Variants in BABAM2 observed in about 807,000 individuals in gnomAD.
BABAM2 encodes BRISC and BRCA1 A complex member 2, also known as BRISC and BRCA1-A complex member 2.
BABAM2 carries 31 observed loss-of-function variants against 54.7 expected under a neutral mutation model. The ratio of observed to expected loss-of-function variants is 0.57; its 90% confidence interval spans 0.43 to 0.77. The LOEUF is 0.77. Among genes scored for constraint, BABAM2 ranks in the 30% least tolerant of loss-of-function variants. The probability of loss-of-function intolerance (pLI) is 0.00; values close to 1 mark genes in which losing one functional copy is unlikely to be tolerated. For missense variants in BABAM2, 364 were observed against 455.8 expected (o/e 0.80, Z 1.83); for synonymous variants, 167 against 162.9 (o/e 1.03, Z -0.19).
At position 28,304,600 on chromosome 2, in the gene BABAM2, G is replaced by A. The variant is rs56258344; in HGVS notation, c.1088+6109G>A. Among the ~76,000 whole-genome samples the A allele has an allele frequency of 0.052, 7,888 of 150,734 alleles. 270 individuals are homozygous for A. Among genetic ancestry groups the A allele is most frequent in the South Asian group, 0.12 (583 of 4,762 alleles). On this transcript the variant is annotated intron_variant, in intron 11 of 11. Transcript: ENST00000379624. This position sits in a 1 kb window ranked among gnomAD's most constrained non-coding sequence, Gnocchi z 4.0. ...TTTCTTTTTTCTTTTTTTTGGAGAT[G>A]GAGTCTCACTCTGTCACCCAGGCTG... is the stretch of plus-strand genomic sequence containing the variant.
chr2:27,933,559 C>T (rs1668257813), intron 3 of BABAM2, among the ~76,000 whole-genome samples: 1 of 151,732 alleles, frequency 6.6e-6, no homozygotes, highest in Admixed American at 6.6e-5. Context: ...ACCTCCACCT[C>T]CCGGGTTCAA....
At chr2:28,230,483 A>G (rs1036250809) in intron 7 of BABAM2, among the ~76,000 whole-genome samples, 1 of 152,066 alleles carries the variant, frequency 6.6e-6, no homozygotes, top group African/African-American at 2.4e-5. Context: ...TGGGAGGCCA[A>G]GGCAGCAGAT....
chr2:28,192,677 A>G (rs1381056518), intron 7 of BABAM2, among the ~76,000 whole-genome samples: 1 of 151,184 alleles, frequency 6.6e-6, no homozygotes, highest in Non-Finnish European at 1.5e-5. Context: ...ACGTGCCACC[A>G]CGGCCAGATA....
At chr2:28,252,823 G>A (rs981337146) in intron 10 of BABAM2, among the ~76,000 whole-genome samples, 7 of 152,210 alleles carry the variant, frequency 4.6e-5, no homozygotes, top group African/African-American at 1.4e-4. Context: ...AATTGCCAAA[G>A]CAAGTGTTTC....
chr2:27,980,452 C>G lies in BABAM2; in HGVS notation c.206-7541C>G, dbSNP rs772435012. ...CAGGTGTCCAGTATGCACATCTGTG[C>G]GTTGTGGGTTTTTAATAAATGTTCT... On this transcript the variant is annotated intron_variant, in intron 3 of 11. Transcript: ENST00000379624. Among the ~76,000 whole-genome samples the G allele has an allele frequency of 2.0e-5, 3 of 152,240 alleles. No homozygotes were observed. In the South Asian group the frequency reaches 6.2e-4, roughly 32 times the overall value.
chr2:28,214,514 A>T (rs571435881), intron 7 of BABAM2, among the ~76,000 whole-genome samples: 6 of 152,202 alleles, frequency 3.9e-5, no homozygotes, highest in Non-Finnish European at 7.4e-5. Flanking sequence ...TTTTCTTTGT[A>T]GACAATCATG....
chr2:28,317,510 G>T (rs1008344692), intron 11 of BABAM2, among the ~76,000 whole-genome samples: 3 of 152,204 alleles, frequency 2.0e-5, no homozygotes, highest in Non-Finnish European at 4.4e-5. Context: ...AACACTGAAG[G>T]CAAACCTGAC....
In BABAM2 at chr2:27,969,689, G is replaced by C. The variant is rs538102022; in HGVS notation, c.206-18304G>C. On this transcript the variant is annotated intron_variant, in intron 3 of 11. Transcript: ENST00000379624. ...TCAAACTGAGGTTGGGGCTCGGGACGGGGGAGGAGGTTATTTTGCTCTGCA... is the reference window on the plus strand; with the variant it reads ...TCAAACTGAGGTTGGGGCTCGGGACCGGGGAGGAGGTTATTTTGCTCTGCA... Among the ~76,000 whole-genome samples the C allele has an allele frequency of 1.7e-4, 26 of 152,286 alleles. No individual in the cohort carries two copies. The East Asian group carries it at 1.9e-3, about 11-fold the overall frequency.
chr2:27,890,494 G>C, upstream of BABAM2: 1 of 658,646 alleles, frequency 1.5e-6, no homozygotes, highest in Non-Finnish European at 2.6e-6. This position sits in a 1 kb window ranked among gnomAD's most constrained non-coding sequence, Gnocchi z 4.8. Flanking sequence ...AAATCACCCC[G>C]CCCACCAAGT....
intron 6 of BABAM2, among the ~76,000 whole-genome samples, chr2:28,096,018 A>C (rs1286030177): frequency 6.6e-6 from 1 of 152,172 alleles, no homozygotes; most frequent in Non-Finnish European, 1.5e-5. Flanking sequence ...ATTTGGATTC[A>C]AATCTGGATT....
intron 5 of BABAM2, among the ~76,000 whole-genome samples, chr2:28,041,462 T>C (rs1473598081): frequency 6.6e-6 from 1 of 152,254 alleles, no homozygotes; most frequent in African/African-American, 2.4e-5. Context: ...AACTTCACAG[T>C]TGTTCCACAT....
At chr2:28,098,418 A>G (rs942196601) in intron 6 of BABAM2, among the ~76,000 whole-genome samples, 1 of 152,232 alleles carries the variant, frequency 6.6e-6, no homozygotes, top group African/African-American at 2.4e-5. Flanking sequence ...CATTTAGCTA[A>G]CACTAGTTAT....
intron 6 of BABAM2, among the ~76,000 whole-genome samples, chr2:28,058,975 G>T (rs1013035892): frequency 6.6e-6 from 1 of 152,144 alleles, no homozygotes; most frequent in Non-Finnish European, 1.5e-5. Flanking sequence ...GCCTTCTGTG[G>T]CTGCTGGTTA....
intron 6 of BABAM2, among the ~76,000 whole-genome samples, chr2:28,083,108 A>G (rs1316467111): frequency 6.6e-6 from 1 of 151,616 alleles, no homozygotes; most frequent in Non-Finnish European, 1.5e-5. Flanking sequence ...TCTGCTCCCC[A>G]CCTTTCCTTT....
At chr2:28,323,396 G>T (rs763911168) in intron 11 of BABAM2, among the ~76,000 whole-genome samples, 37 of 152,056 alleles carry the variant, frequency 2.4e-4, no homozygotes, top group Non-Finnish European at 4.7e-4. Context: ...CTAGCTAAGC[G>T]CTGGGAGAGG....
At chr2:28,305,485 C>T (rs1688443104) in intron 11 of BABAM2, among the ~76,000 whole-genome samples, 1 of 152,060 alleles carries the variant, frequency 6.6e-6, no homozygotes, top group Admixed American at 6.6e-5. Context: ...TGATATTGGT[C>T]TAAAATTTCT....
intron 4 of BABAM2, among the ~76,000 whole-genome samples, chr2:27,994,364 G>T (rs886887702): frequency 2.0e-5 from 3 of 152,050 alleles, no homozygotes; most frequent in Non-Finnish European, 4.4e-5. Flanking sequence ...TATAAATCAC[G>T]TGTATAGCAT....
intron 10 of BABAM2, among the ~76,000 whole-genome samples, chr2:28,258,926 G>A (rs1473923344): frequency 6.6e-6 from 1 of 150,824 alleles, no homozygotes; most frequent in East Asian, 2.0e-4. Context: ...ACAGGCACAC[G>A]CCACCACCCC....
intron 6 of BABAM2, among the ~76,000 whole-genome samples, chr2:28,097,744 AT>A (rs1398031060): frequency 3.3e-5 from 5 of 152,158 alleles, no homozygotes; most frequent in African/African-American, 7.2e-5. Flanking sequence ...TGGAGTGAAT[AT>A]GCTATTCTGT....
Sources: gnomAD v4.1 joint callset for allele counts (sites outside exome capture counted in the v4.1 genomes callset) on GRCh38, gnomAD v4.1.1 for gene constraint, Gnocchi (gnomAD v3.1) non-coding constraint, MANE v1.5 for transcripts, NCBI Gene and HGNC (gene_info 2026-07-23, HGNC 2026-07-21) for gene names.